RAP1GAP2: variants seen among roughly 807,000 people sequenced by gnomAD.
The protein encoded by RAP1GAP2 is rap1 GTPase-activating protein 2.
In RAP1GAP2, 27 loss-of-function variants were observed where a neutral mutation model predicts 95.0. The ratio of observed to expected loss-of-function variants is 0.28; its 90% confidence interval spans 0.21 to 0.39. The LOEUF (loss-of-function observed/expected upper bound fraction) is 0.39, where lower values mean the gene tolerates loss of function less well. Ranked by LOEUF, RAP1GAP2 falls within the 10% of genes least tolerant of loss-of-function variation. The pLI is 1.00. For missense variants in RAP1GAP2, 771 were observed against 970.0 expected (o/e 0.79, Z 2.72); for synonymous variants, 373 against 380.9 (o/e 0.98, Z 0.24).
At chr17:2,859,595 C>T (rs946265655) in intron 2 of RAP1GAP2, among the ~76,000 whole-genome samples, 1 of 151,726 alleles carries the variant, frequency 6.6e-6, no homozygotes, top group Non-Finnish European at 1.5e-5. Context: ...GTCACAACAC[C>T]CAGCTAATTT....
In RAP1GAP2 at chr17:3,003,888, C is replaced by T. The variant is rs146753678; in HGVS notation, c.1201-1481C>T. On this transcript the variant is annotated intron_variant, in intron 14 of 24. Coordinates refer to ENST00000254695, the MANE Select transcript of RAP1GAP2 (RefSeq NM_015085.5). The surrounding 1 kb of genome is among the most constrained non-coding windows in gnomAD (Gnocchi z 4.1). ...CGTCGCAAGGAAGGGCCCTGTCCTC[C>T]GTGTGGCCCACAGGGCTCTGCTGTG... is the stretch of plus-strand genomic sequence containing the variant. Among the ~76,000 whole-genome samples, 393 of 152,288 alleles carry T rather than the reference C, an allele frequency of 2.6e-3. No individual in the cohort carries two copies. Among genetic ancestry groups the T allele is most frequent in the African/African-American group, 9.2e-3 (381 of 41,550 alleles).
At chr17:2,820,619 C>CAAA (rs528845347) in intron 2 of RAP1GAP2, among the ~76,000 whole-genome samples, 2 of 87,028 alleles carry the variant, frequency 2.3e-5, no homozygotes, top group African/African-American at 3.6e-5. Context: ...GACACCGTCT[C>CAAA]AAAAAAAAAA....
chr17:2,947,872 G>A (rs559221594), intron 3 of RAP1GAP2, among the ~76,000 whole-genome samples: 119 of 152,182 alleles, frequency 7.8e-4, no homozygotes, highest in African/African-American at 2.4e-3. Context: ...CTCTTCATCC[G>A]GATGAGAAAC....
chr17:2,981,280 C>G (rs1390387748), intron 10 of RAP1GAP2, 32 bp downstream of exon 10: 2 of 1,579,840 alleles, frequency 1.3e-6, no homozygotes, highest in Non-Finnish European at 1.7e-6. Context: ...ACATAGGGGC[C>G]CTGCAGCTTG....
Position 2,871,243 on chromosome 17 carries a change from A to T in RAP1GAP2, c.81-34041A>T, listed in dbSNP as rs1418442323. Among the ~76,000 whole-genome samples, 1 of 152,242 alleles carries T rather than the reference A, an allele frequency of 6.6e-6. No individual in the cohort carries two copies. The highest frequency in any genetic ancestry group is 1.5e-5 in the Non-Finnish European group (1 of 68,046). On this transcript the variant is annotated intron_variant, in intron 2 of 24. Transcript: ENST00000254695. The surrounding 1 kb of genome is among the most constrained non-coding windows in gnomAD (Gnocchi z 5.0). ...AGTGCTGGGATTACAGGCATGAGCC[A>T]CTGCGCCCAGCCAAGGGCTAAACAT...
intron 16 of RAP1GAP2, 78 bp downstream of exon 16, chr17:3,006,119 T>TG: frequency 3.9e-6 from 2 of 517,708 alleles, no homozygotes; most frequent in Non-Finnish European, 3.3e-6. Context: ...GGCTCCTCCA[T>TG]CTTTTTTTTT....
chr17:2,795,237 G>A (rs996212159), upstream of RAP1GAP2, among the ~76,000 whole-genome samples: 3 of 151,920 alleles, frequency 2.0e-5, no homozygotes, highest in African/African-American at 7.3e-5. Flanking sequence ...ACTGCTTGGG[G>A]GTAGGGTGGG....
chr17:2,963,710 G>A lies in RAP1GAP2; in HGVS notation c.280-146G>A. ...AGCTGGAGGTGTTGTGGGGCTTGGA[G>A]GAGGGGTTCATGTCACTGCCTTTGG... is the stretch of plus-strand genomic sequence containing the variant. On this transcript the variant is annotated intron_variant, in intron 6 of 24. Transcript: ENST00000254695. The surrounding 1 kb of genome is among the most constrained non-coding windows in gnomAD (Gnocchi z 4.8). 1.2e-6 allele frequency: 1 copy of A among 830,940 alleles called. No individual in the cohort carries two copies. Among genetic ancestry groups the A allele is most frequent in the Non-Finnish European group, 1.9e-6 (1 of 538,194 alleles). 51.5% of individuals were successfully genotyped at this position (830,940 alleles called of 1,614,324 possible). A position where few individuals can be genotyped will look rare whatever the true frequency, so the allele number is the denominator to read the frequency against.
chr17:3,020,360 G>C, intron 18 of RAP1GAP2, 117 bp from the exon 19 acceptor site: 1 of 753,406 alleles, frequency 1.3e-6, no homozygotes, highest in South Asian at 1.6e-5. Flanking sequence ...TAGCTGTCTT[G>C]CTATTTTCTG....
chr17:2,782,293 G>A (rs1271606946), intron 1 of RAP1GAP2, among the ~76,000 whole-genome samples: 1 of 152,202 alleles, frequency 6.6e-6, no homozygotes, highest in Non-Finnish European at 1.5e-5. Flanking sequence ...ATCCTCCCGA[G>A]CTCTGAGCTG....
intron 1 of RAP1GAP2, among the ~76,000 whole-genome samples, chr17:2,780,049 C>T (rs1411408721): frequency 2.0e-5 from 3 of 152,044 alleles, no homozygotes; most frequent in African/African-American, 7.2e-5. Context: ...ATCCACAAGC[C>T]TCCTCGTTCC....
At position 2,827,263 on chromosome 17, in the gene RAP1GAP2, C is replaced by T. The variant is rs1451298163; in HGVS notation, c.80+26713C>T. ...TCAGCTGAGTGGATACCCACTCGCA[C>T]ATCCAACAGCTCTCATTCCCAAAGC... On this transcript the variant is annotated intron_variant, in intron 2 of 24. Transcript: ENST00000254695. The surrounding 1 kb of genome is among the most constrained non-coding windows in gnomAD (Gnocchi z 4.1). 6.6e-6 allele frequency among the ~76,000 whole-genome samples: 1 copy of T among 152,184 alleles called. No homozygotes were observed. The highest frequency in any genetic ancestry group is 2.4e-5 in the African/African-American group (1 of 41,456).
At chr17:2,872,672 C>T (rs1024432420) in intron 2 of RAP1GAP2, among the ~76,000 whole-genome samples, 3 of 151,614 alleles carry the variant, frequency 2.0e-5, no homozygotes, top group Non-Finnish European at 2.9e-5. Flanking sequence ...AACTTTCACA[C>T]TTGATGGAAA....
chr17:2,869,068 C>A (rs1329037462), intron 2 of RAP1GAP2, among the ~76,000 whole-genome samples: 2 of 152,142 alleles, frequency 1.3e-5, no homozygotes, highest in Non-Finnish European at 1.5e-5. Flanking sequence ...TTTTCCAAGG[C>A]ACTGATTCCA....
At chr17:2,882,119 C>CTTTTTTTTTTTT (rs1182195871) in intron 2 of RAP1GAP2, among the ~76,000 whole-genome samples, 2 of 131,824 alleles carry the variant, frequency 1.5e-5, no homozygotes, top group African/African-American at 2.9e-5. Flanking sequence ...TGTGCCTGGC[C>CTTTTTTTTTTTT]TTTTTTTTTT....
At chr17:2,776,884 C>G (rs1312162343), upstream of RAP1GAP2, among the ~76,000 whole-genome samples, 1 of 151,236 alleles carries the variant, frequency 6.6e-6, no homozygotes, top group Non-Finnish European at 1.5e-5. Context: ...AGGGGGCGAC[C>G]GCGGGGACTG....
intron 1 of RAP1GAP2, among the ~76,000 whole-genome samples, chr17:2,783,835 G>A (rs2068711504): frequency 6.6e-6 from 1 of 152,214 alleles, no homozygotes; most frequent in Non-Finnish European, 1.5e-5. Flanking sequence ...TGTTGGCTTT[G>A]GGTCAGTTCC....
At chr17:2,897,361 A>G (rs1206173442) in intron 2 of RAP1GAP2, among the ~76,000 whole-genome samples, 1 of 152,060 alleles carries the variant, frequency 6.6e-6, no homozygotes, top group Non-Finnish European at 1.5e-5. Flanking sequence ...AAACAAACAA[A>G]AAAATGGGTG....
intron 1 of RAP1GAP2, among the ~76,000 whole-genome samples, chr17:2,766,467 C>G (rs2068278499): frequency 6.6e-6 from 1 of 151,952 alleles, no homozygotes; most frequent in Admixed American, 6.6e-5. Context: ...AGAAGCCCAT[C>G]TCTACTAAAA....
Sources: allele counts gnomAD v4.1 joint callset (sites outside exome capture counted in the v4.1 genomes callset), GRCh38; gene constraint gnomAD v4.1.1; non-coding constraint Gnocchi (gnomAD v3.1); transcripts MANE v1.5; gene names NCBI Gene and HGNC (gene_info 2026-07-23, HGNC 2026-07-21).